JAZF1: variants seen among roughly 807,000 people sequenced by gnomAD.
The protein encoded by JAZF1 is JAZF zinc finger 1.
JAZF1 carries 8 observed loss-of-function variants against 26.4 expected under a neutral mutation model. That is an observed-to-expected ratio of 0.30 (90% CI 0.18 to 0.55). JAZF1 has a LOEUF of 0.55. Ranked by LOEUF, JAZF1 falls within the 20% of genes least tolerant of loss-of-function variation. JAZF1 has a pLI of 0.94. For synonymous variants in JAZF1, 126 were observed against 122.3 expected (o/e 1.03, Z -0.20); for missense variants, 199 against 322.0 (o/e 0.62, Z 2.92).
chr7:28,010,229 G>T (rs1486376771), intron 1 of JAZF1, among the ~76,000 whole-genome samples: 1 of 152,172 alleles, frequency 6.6e-6, no homozygotes, highest in African/African-American at 2.4e-5. Flanking sequence ...TGAAAGGAGA[G>T]GGTGGTCCAG....
intron 3 of JAZF1, chr7:27,842,836 A>G (rs1782947115): frequency 6.6e-6 from 1 of 152,126 alleles, no homozygotes; most frequent in African/African-American, 2.4e-5. Context: ...TAATTTATCC[A>G]TCTAATTGGG....
chr7:28,068,755 A>G (rs2127909042), intron 1 of JAZF1, among the ~76,000 whole-genome samples: 1 of 152,364 alleles, frequency 6.6e-6, no homozygotes, highest in African/African-American at 2.4e-5. Flanking sequence ...AGTCACTGGT[A>G]AACAATGTTG....
intron 1 of JAZF1, among the ~76,000 whole-genome samples, chr7:28,165,093 G>T (rs546196844): frequency 2.0e-5 from 3 of 152,074 alleles, no homozygotes; most frequent in Admixed American, 2.0e-4. Flanking sequence ...TGCTTGAGCC[G>T]GAGAGGCGGA....
chr7:27,910,667 G>A (rs1381345312), intron 2 of JAZF1, among the ~76,000 whole-genome samples: 1 of 152,154 alleles, frequency 6.6e-6, no homozygotes, highest in Non-Finnish European at 1.5e-5. Flanking sequence ...TTAATGGATT[G>A]CAGCCGGGAT....
At chr7:27,954,829 C>T (rs1423844158) in intron 2 of JAZF1, among the ~76,000 whole-genome samples, 1 of 152,188 alleles carries the variant, frequency 6.6e-6, no homozygotes, top group Non-Finnish European at 1.5e-5. Flanking sequence ...ATGTTCTTGG[C>T]TCACCGCAAC....
At chr7:27,871,969 A>G (rs941887000) in intron 3 of JAZF1, among the ~76,000 whole-genome samples, 6 of 152,232 alleles carry the variant, frequency 3.9e-5, no homozygotes, top group African/African-American at 1.4e-4. Context: ...CAGAAAATGC[A>G]GCTGAAACAC....
At chr7:28,088,090 C>T (rs1381492908) in intron 1 of JAZF1, among the ~76,000 whole-genome samples, 2 of 152,156 alleles carry the variant, frequency 1.3e-5, no homozygotes, top group African/African-American at 4.8e-5. Flanking sequence ...TTAACAGAAA[C>T]AGCCTGAAAA....
At chr7:27,858,228 G>C (rs978797221) in intron 3 of JAZF1, among the ~76,000 whole-genome samples, 1 of 152,106 alleles carries the variant, frequency 6.6e-6, no homozygotes, top group Non-Finnish European at 1.5e-5. Context: ...AAGGAAATAG[G>C]AGAGGACACA....
chr7:27,891,550 T>C (rs900563870), intron 3 of JAZF1, among the ~76,000 whole-genome samples: 2 of 152,096 alleles, frequency 1.3e-5, no homozygotes, highest in African/African-American at 4.8e-5. Context: ...AAACAGGCCA[T>C]ATATGGTGGC....
intron 2 of JAZF1, among the ~76,000 whole-genome samples, chr7:27,897,080 G>GC (rs1361786559): frequency 2.7e-5 from 4 of 146,192 alleles, no homozygotes; most frequent in South Asian, 2.2e-4. Context: ...AAGAACTAGT[G>GC]CTTTTTTTTT....
intron 2 of JAZF1, among the ~76,000 whole-genome samples, chr7:27,907,664 T>G (rs1230905098): frequency 6.6e-6 from 1 of 151,984 alleles, no homozygotes; most frequent in Non-Finnish European, 1.5e-5. Flanking sequence ...ACACTGGAGG[T>G]GTCCAGTTAA....
At chr7:27,893,711 G>C (rs1272918963) in intron 3 of JAZF1, among the ~76,000 whole-genome samples, 1 of 152,166 alleles carries the variant, frequency 6.6e-6, no homozygotes, top group Non-Finnish European at 1.5e-5. Flanking sequence ...GATTTGATTA[G>C]TGACGGTCTA....
chr7:27,943,572 A>G (rs1784881411), intron 2 of JAZF1, among the ~76,000 whole-genome samples: 1 of 152,186 alleles, frequency 6.6e-6, no homozygotes, highest in Admixed American at 6.5e-5. Flanking sequence ...TAGGAAGCCA[A>G]TCCTTCCCCT....
At chr7:28,041,456 T>G (rs1197435843) in intron 1 of JAZF1, among the ~76,000 whole-genome samples, 3 of 152,212 alleles carry the variant, frequency 2.0e-5, no homozygotes, top group Non-Finnish European at 4.4e-5. Context: ...CTAGACATCT[T>G]GCTATGCAAA....
At chr7:28,138,386 A>G (rs1237105731) in intron 1 of JAZF1, among the ~76,000 whole-genome samples, 1 of 152,214 alleles carries the variant, frequency 6.6e-6, no homozygotes, top group African/African-American at 2.4e-5. Context: ...GGGAGGAGGC[A>G]GTTAGTATTA....
intron 1 of JAZF1, among the ~76,000 whole-genome samples, chr7:28,132,647 T>C (rs1782814488): frequency 6.6e-6 from 1 of 152,242 alleles, no homozygotes; most frequent in Non-Finnish European, 1.5e-5. Context: ...TCATTAGCAT[T>C]ATTCAGAATT....
intron 1 of JAZF1, among the ~76,000 whole-genome samples, chr7:28,005,776 G>GA (rs1181552356): frequency 6.6e-6 from 1 of 152,028 alleles, no homozygotes; most frequent in Non-Finnish European, 1.5e-5. Context: ...GGGTGTCTGG[G>GA]AAGTCCCTGG....
rs1040047168 is a variant in JAZF1, at chr7:27,987,795, C to G, written c.188+4114G>C. ...AAGAGAGATCAGATTGTTACTGTGT[C>G]TGTGTAGAAAGAAGTAGCCATAGGA... On this transcript the variant is annotated intron_variant, in intron 2 of 4. Transcript: ENST00000283928. Among the ~76,000 whole-genome samples the G allele has an allele frequency of 3.3e-5, 5 of 152,354 alleles. No homozygotes were observed. In the East Asian group the frequency reaches 9.6e-4, roughly 29 times the overall value.
At chr7:28,049,636 A>G (rs1044022534) in intron 1 of JAZF1, among the ~76,000 whole-genome samples, 22 of 152,202 alleles carry the variant, frequency 1.4e-4, no homozygotes, top group African/African-American at 4.6e-4. Context: ...ATGCTTCTGA[A>G]CAACTGGCTA....
Sources: gnomAD v4.1 joint callset for allele counts (sites outside exome capture counted in the v4.1 genomes callset) on GRCh38, gnomAD v4.1.1 for gene constraint, MANE v1.5 for transcripts, NCBI Gene and HGNC (gene_info 2026-07-23, HGNC 2026-07-21) for gene names.